Variants in IST1 observed in about 807,000 individuals in gnomAD.
IST1 encodes IST1 homolog.
In IST1, 23 loss-of-function variants were observed where a neutral mutation model predicts 37.0. The ratio of observed to expected loss-of-function variants is 0.62; its 90% confidence interval spans 0.45 to 0.88. The LOEUF is 0.88. IST1 is among the 40% of genes least tolerant of loss of function. The probability of loss-of-function intolerance (pLI) is 0.00; values close to 1 mark genes in which losing one functional copy is unlikely to be tolerated. For synonymous variants in IST1, 180 were observed against 161.7 expected (o/e 1.11, Z -0.86); for missense variants, 488 against 445.4 (o/e 1.10, Z -0.86).
intron 8 of IST1, chr16:71,923,993 CAAATTGGTGTGGCATTTGCTATGT>C: frequency 5.1e-6 from 2 of 388,660 alleles, no homozygotes; most frequent in East Asian, 1.5e-4. Flanking sequence ...TACTGAGAAA[CAAATTGGTGTGGCATTTGCTATGT>C]AAATTACTCA....
intron 4 of IST1, among the ~76,000 whole-genome samples, chr16:71,918,935 C>A (rs1040505030): frequency 2.0e-5 from 3 of 152,202 alleles, no homozygotes; most frequent in Admixed American, 2.0e-4. Context: ...TGAGAACTCT[C>A]CTACTGGGCT....
intron 1 of IST1, among the ~76,000 whole-genome samples, chr16:71,898,232 C>T (rs982467765): frequency 4.7e-5 from 7 of 149,946 alleles, no homozygotes; most frequent in Admixed American, 3.3e-4. Flanking sequence ...AAAAAATTAG[C>T]CAGGTGTGGT....
intron 8 of IST1, chr16:71,924,352 G>A (rs1012323570): frequency 5.3e-6 from 2 of 374,472 alleles, no homozygotes; most frequent in South Asian, 2.1e-5. Context: ...GTTCACGCCT[G>A]TAATCCCAGC....
At chr16:71,920,998 A>G (rs146317229) in intron 5 of IST1, 176 bp downstream of exon 5, 52 of 655,352 alleles carry the variant, frequency 7.9e-5, no homozygotes, top group East Asian at 2.7e-4. Flanking sequence ...CACCTGCCCA[A>G]TTCCTCTGGT....
chr16:71,929,415 A>AT lies in IST1; in HGVS notation c.*1602_*1603insT. On this transcript the variant is annotated 3_prime_UTR_variant, in exon 10 of 10. Coordinates refer to ENST00000378799, the MANE Select transcript of IST1 (RefSeq NM_001270975.2). Reference sequence around the variant, plus strand: ...CAAGATCCATAAGAACTTGGGACCAAGGGGATTTTGATTCCTAACTTACAG... The same window carrying AT: ...CAAGATCCATAAGAACTTGGGACCAATGGGGATTTTGATTCCTAACTTACAG... 1 of 993,514 alleles carries AT rather than the reference A, an allele frequency of 1.0e-6. No homozygotes were observed. The highest frequency in any genetic ancestry group is 1.4e-6 in the Non-Finnish European group (1 of 700,990). 61.5% of individuals were successfully genotyped at this position (993,514 alleles called of 1,614,324 possible). A position where few individuals can be genotyped will look rare whatever the true frequency, so the allele number is the denominator to read the frequency against.
intron 4 of IST1, among the ~76,000 whole-genome samples, chr16:71,918,129 C>T (rs1403292888): frequency 1.3e-5 from 2 of 152,118 alleles, no homozygotes; most frequent in South Asian, 2.1e-4. Context: ...TTGGGTTGGT[C>T]GTTTTCTCCA....
Position 71,915,740 on chromosome 16 carries a change from A to C in IST1, c.88+12A>C. 1.3e-6 allele frequency: 2 copies of C among 1,555,916 alleles called. No individual in the cohort carries two copies. Among genetic ancestry groups the C allele is most frequent in the Non-Finnish European group, 1.8e-6 (2 of 1,129,846 alleles). On this transcript the variant is annotated intron_variant, in intron 2 of 9. Coordinates refer to ENST00000378799, the MANE Select transcript of IST1 (RefSeq NM_001270975.2). ...GGAGAAAAAGAAAAGTGAGTAGTGT[A>C]CTTTTTTTCCCCAAAAATAAATCAC... is the stretch of plus-strand genomic sequence containing the variant.
intron 1 of IST1, among the ~76,000 whole-genome samples, chr16:71,906,517 G>GT (rs2037228507): frequency 6.6e-6 from 1 of 151,310 alleles, no homozygotes; most frequent in African/African-American, 2.4e-5. Flanking sequence ...GTTTCACCAT[G>GT]TTGGCCAGGC....
chr16:71,923,142 C>G (rs978636843), intron 7 of IST1, 146 bp from the exon 8 acceptor site: 1 of 499,254 alleles, frequency 2.0e-6, no homozygotes, highest in Admixed American at 3.7e-5. Flanking sequence ...CACATGTGGT[C>G]CTTTTGGGCA....
At chr16:71,923,560 G>A in intron 8 of IST1, 180 bp downstream of exon 8, 1 of 452,512 alleles carries the variant, frequency 2.2e-6, no homozygotes, top group South Asian at 3.1e-5. Flanking sequence ...GGTGGTGATG[G>A]CAGTATCATT....
chr16:71,921,547 G>C (rs116954136), intron 6 of IST1, 94 bp downstream of exon 6: 28 of 742,190 alleles, frequency 3.8e-5, no homozygotes, highest in African/African-American at 6.9e-5. Context: ...ACTTAAATTT[G>C]TGTGAGTTTA....
rs993137413 is a variant in IST1, at chr16:71,929,812, G to A, written c.*1999G>A. 1.5e-5 allele frequency: 15 copies of A among 1,026,482 alleles called. No individual in the cohort carries two copies. In the African/African-American group the frequency reaches 2.4e-4, roughly 17 times the overall value. 63.6% of individuals were successfully genotyped at this position (1,026,482 alleles called of 1,614,324 possible). On this transcript the variant is annotated 3_prime_UTR_variant, in exon 10 of 10. Transcript: ENST00000378799. ...TATTTCTTTAATAATTTGCAGTCAG[G>A]CATTGGAGTGTTTCCACTAATGGTT...
At chr16:71,912,245 A>T (rs535330129) in intron 1 of IST1, among the ~76,000 whole-genome samples, 35 of 150,250 alleles carry the variant, frequency 2.3e-4, no homozygotes, top group Non-Finnish European at 4.5e-4. Context: ...CATTATAAAA[A>T]TTTTTTTTTT....
At chr16:71,898,735 T>C in intron 1 of IST1, among the ~76,000 whole-genome samples, 1 of 151,008 alleles carries the variant, frequency 6.6e-6, no homozygotes, top group South Asian at 2.1e-4. Flanking sequence ...TCCCAGCACT[T>C]TGGGAGGCCA....
chr16:71,897,761 CATG>C (rs201544719), intron 1 of IST1, among the ~76,000 whole-genome samples: 1 of 151,934 alleles, frequency 6.6e-6, no homozygotes, highest in East Asian at 2.0e-4. Context: ...GCCTGGACAA[CATG>C]GTGAAACCCT....
chr16:71,916,579 T>C lies in IST1; in HGVS notation c.206T>C (p.Met69Thr). 6.2e-7 allele frequency: 1 copy of C among 1,613,812 alleles called. No individual in the cohort carries two copies. The highest frequency in any genetic ancestry group is 8.5e-7 in the Non-Finnish European group (1 of 1,179,680). Residue 69 changes from methionine (M) to threonine (T), a missense_variant, in exon 3 of 10, where the codon ATG becomes ACG. By Grantham distance (81) the Met-to-Thr change is moderately conservative. Coordinates refer to ENST00000378799, the MANE Select transcript of IST1 (RefSeq NM_001270975.2). ...CGGGAAGACTACCTCGTGGAGGCCA[T>C]GGAGATCCTGGAGCTGTACTGTGAC... is the stretch of plus-strand genomic sequence containing the variant. ...IIREDYLVEAMEILELYCDLL... is the reference protein window; with the variant it reads ...IIREDYLVEATEILELYCDLL...
chr16:71,922,363 A>G (rs1243734006), intron 6 of IST1, 111 bp from the exon 7 acceptor site: 4 of 869,096 alleles, frequency 4.6e-6, no homozygotes, highest in Non-Finnish European at 7.5e-6. Context: ...TGTTGATCCC[A>G]GAAGCACTCC....
intron 1 of IST1, among the ~76,000 whole-genome samples, chr16:71,913,932 C>T (rs975830419): frequency 2.8e-4 from 42 of 152,230 alleles, no homozygotes; most frequent in African/African-American, 9.6e-4. Flanking sequence ...CCTCAGCCTC[C>T]GGAGTAGCTG....
chr16:71,903,568 CTCT>C (rs2037156095), intron 1 of IST1: 1 of 151,994 alleles, frequency 6.6e-6, no homozygotes. Context: ...TTTTGTTTTC[CTCT>C]TCTTTAAAAA....
Sources: allele counts gnomAD v4.1 joint callset (sites outside exome capture counted in the v4.1 genomes callset), GRCh38; gene constraint gnomAD v4.1.1; transcripts MANE v1.5; gene names NCBI Gene and HGNC (gene_info 2026-07-23, HGNC 2026-07-21).